Variants in RBMS3 observed in about 807,000 individuals in gnomAD.
RBMS3 encodes RNA-binding motif, single-stranded-interacting protein 3.
In RBMS3, 27 loss-of-function variants were observed where a neutral mutation model predicts 66.8. The observed-to-expected ratio is 0.40, with a 90% CI of 0.30 to 0.56. The LOEUF is 0.56. Among genes scored for constraint, RBMS3 ranks in the 20% least tolerant of loss-of-function variants. The pLI, the probability that RBMS3 is intolerant of heterozygous loss-of-function variation, is 0.40. For synonymous variants in RBMS3, 188 were observed against 183.0 expected (o/e 1.03, Z -0.22); for missense variants, 513 against 549.5 (o/e 0.93, Z 0.66).
At chr3:29,610,954 T>C (rs1201621630) in intron 4 of RBMS3, among the ~76,000 whole-genome samples, 3 of 152,082 alleles carry the variant, frequency 2.0e-5, no homozygotes, top group Non-Finnish European at 1.5e-5. Flanking sequence ...CTTCTTCTTA[T>C]ACAGTTAATG....
intron 3 of RBMS3, among the ~76,000 whole-genome samples, chr3:29,533,130 C>A (rs1206518346): frequency 6.6e-6 from 1 of 152,078 alleles, no homozygotes; most frequent in South Asian, 2.1e-4. Flanking sequence ...ATAGAAATTT[C>A]TTCTTTCCAG....
chr3:29,847,847 G>A (rs2058826391), intron 6 of RBMS3, among the ~76,000 whole-genome samples: 1 of 152,122 alleles, frequency 6.6e-6, no homozygotes, highest in East Asian at 2.0e-4. Flanking sequence ...TAGTAGAGAC[G>A]GGGTGTCACC....
chr3:29,664,556 GT>G (rs1043768823), intron 4 of RBMS3, among the ~76,000 whole-genome samples: 9 of 151,824 alleles, frequency 5.9e-5, no homozygotes, highest in Non-Finnish European at 1.3e-4. Flanking sequence ...TGAAGCAATG[GT>G]TTTTTATAAA....
intron 12 of RBMS3, among the ~76,000 whole-genome samples, chr3:29,985,081 C>T (rs1698283669): frequency 6.6e-6 from 1 of 152,218 alleles, no homozygotes; most frequent in Non-Finnish European, 1.5e-5. Flanking sequence ...GCCTTTCTTT[C>T]AGAGATGCCC....
At chr3:29,788,442 G>A (rs1175461331) in intron 6 of RBMS3, among the ~76,000 whole-genome samples, 1 of 151,944 alleles carries the variant, frequency 6.6e-6, no homozygotes, top group African/African-American at 2.4e-5. Flanking sequence ...ATCCAGGATT[G>A]TCTGGATCTC....
At chr3:29,452,246 A>G (rs1430502127) in intron 2 of RBMS3, among the ~76,000 whole-genome samples, 1 of 152,078 alleles carries the variant, frequency 6.6e-6, no homozygotes, top group Non-Finnish European at 1.5e-5. Context: ...TGTACCTCCT[A>G]TTTTCAACAA....
intron 4 of RBMS3, chr3:29,617,032 G>T (rs1354775287): frequency 6.6e-6 from 1 of 152,158 alleles, no homozygotes; most frequent in Non-Finnish European, 1.5e-5. Flanking sequence ...GTGCATAAAG[G>T]GGACATCACT....
intron 12 of RBMS3, among the ~76,000 whole-genome samples, chr3:29,963,020 G>C (rs1696587037): frequency 1.3e-5 from 2 of 150,262 alleles, no homozygotes; most frequent in South Asian, 4.2e-4. Flanking sequence ...CTTCACAATT[G>C]CTTCCAGTTA....
chr3:29,913,038 AG>A (rs1463984149), intron 10 of RBMS3, among the ~76,000 whole-genome samples: 2 of 151,874 alleles, frequency 1.3e-5, no homozygotes, highest in Non-Finnish European at 2.9e-5. Context: ...TAAAATATTG[AG>A]GGCAGGCATA....
At chr3:29,592,882 A>G (rs1462959180) in intron 4 of RBMS3, among the ~76,000 whole-genome samples, 1 of 151,866 alleles carries the variant, frequency 6.6e-6, no homozygotes, top group Non-Finnish European at 1.5e-5. Flanking sequence ...GCTGGAAACC[A>G]TCATTCTCAG....
intron 1 of RBMS3, among the ~76,000 whole-genome samples, chr3:29,301,700 G>C (rs957832362): frequency 1.3e-5 from 2 of 151,944 alleles, no homozygotes; most frequent in Non-Finnish European, 2.9e-5. Context: ...TTTTATCTGG[G>C]ATTTGTTTCT....
chr3:29,354,263 T>C (rs1214537745), intron 1 of RBMS3, among the ~76,000 whole-genome samples: 4 of 152,120 alleles, frequency 2.6e-5, no homozygotes, highest in African/African-American at 9.7e-5. Context: ...GTGTGTATGG[T>C]GTATATATGT....
chr3:29,307,673 G>A (rs937629269), intron 1 of RBMS3, among the ~76,000 whole-genome samples: 2 of 151,742 alleles, frequency 1.3e-5, no homozygotes, highest in Non-Finnish European at 2.9e-5. Flanking sequence ...TTTGATTGTA[G>A]GATTTCAAGA....
intron 4 of RBMS3, among the ~76,000 whole-genome samples, chr3:29,682,829 A>G (rs2051555366): frequency 6.6e-6 from 1 of 152,192 alleles, no homozygotes; most frequent in Non-Finnish European, 1.5e-5. Flanking sequence ...AGAGAGAGAG[A>G]AGGAGATAGA....
chr3:29,532,838 A>G (rs1451921647), intron 3 of RBMS3, among the ~76,000 whole-genome samples: 1 of 152,132 alleles, frequency 6.6e-6, no homozygotes, highest in Non-Finnish European at 1.5e-5. Flanking sequence ...TAACACATTT[A>G]TGTGTGTGGC....
chr3:29,894,212 ATTTGTTTG>A (rs1003300425), intron 8 of RBMS3, among the ~76,000 whole-genome samples: 3 of 151,130 alleles, frequency 2.0e-5, no homozygotes, highest in South Asian at 2.1e-4. Flanking sequence ...CATCTTTTTC[ATTTGTTTG>A]TTTGTTTGTT....
rs537559494 is a variant in RBMS3 at position 29,694,698 on chromosome 3, T to A, written c.400-45022T>A. On this transcript the variant is annotated intron_variant, in intron 4 of 14. Transcript: ENST00000383767. ...TGCATATACTTAGAGTTCAATTATG[T>A]TTTAAACACATTATCTGTGCAAGTG... Among the ~76,000 whole-genome samples, 9 of 152,250 alleles carry A rather than the reference T, an allele frequency of 5.9e-5. 1 individual carries two copies. The South Asian group carries it at 1.9e-3, about 32-fold the overall frequency.
intron 4 of RBMS3, chr3:29,698,352 A>G (rs2052375199): frequency 3.0e-6 from 3 of 985,312 alleles, no homozygotes; most frequent in Non-Finnish European, 3.6e-6. Flanking sequence ...AAACCGGAGC[A>G]GTTTGTGTCT....
intron 1 of RBMS3, among the ~76,000 whole-genome samples, chr3:29,426,039 A>G (rs1251406295): frequency 6.6e-6 from 1 of 152,238 alleles, no homozygotes; most frequent in Non-Finnish European, 1.5e-5. Flanking sequence ...CAGCTGGGGA[A>G]CACATCATGG....
Sources: gnomAD v4.1 joint callset for allele counts (sites outside exome capture counted in the v4.1 genomes callset) on GRCh38, gnomAD v4.1.1 for gene constraint, MANE v1.5 for transcripts, NCBI Gene and HGNC (gene_info 2026-07-23, HGNC 2026-07-21) for gene names.